Variants in ZNF804A observed in about 807,000 individuals in gnomAD.
ZNF804A encodes the protein zinc finger protein 804A.
A neutral mutation model predicts 16.5 loss-of-function variants in ZNF804A; 2 were observed. That is an observed-to-expected ratio of 0.12 (90% CI 0.05 to 0.38). ZNF804A has a LOEUF of 0.38. ZNF804A is among the 10% of genes least tolerant of loss of function. The pLI, the probability that ZNF804A is intolerant of heterozygous loss-of-function variation, is 0.99. For missense variants in ZNF804A, 1,473 were observed against 1,390.7 expected, an observed-to-expected ratio of 1.06 and a Z score of -0.94; for synonymous variants, 534 against 489.6, an observed-to-expected ratio of 1.09 and a Z score of -1.20.
At chr2:184,901,628 A>G (rs1322594298) in intron 2 of ZNF804A, among the ~76,000 whole-genome samples, 3 of 152,096 alleles carry the variant, frequency 2.0e-5, no homozygotes, top group Admixed American at 6.6e-5. Context: ...AAGTGCATCA[A>G]TAGTTTGTCA....
At chr2:184,935,702 C>A in intron 3 of ZNF804A, 81 bp from the exon 4 acceptor site, 1 of 1,437,782 alleles carries the variant, frequency 7.0e-7, no homozygotes, top group Non-Finnish European at 9.2e-7. Context: ...ATTATAATGA[C>A]TTTTTAAAGA....
At chr2:184,809,188 A>C (rs192177286) in intron 1 of ZNF804A, among the ~76,000 whole-genome samples, 16 of 152,060 alleles carry the variant, frequency 1.1e-4, no homozygotes, top group Non-Finnish European at 1.3e-4. Context: ...AATATAGGGT[A>C]TTAATTTGGT....
At chr2:184,826,153 G>A (rs561930133) in intron 1 of ZNF804A, among the ~76,000 whole-genome samples, 7 of 151,900 alleles carry the variant, frequency 4.6e-5, no homozygotes, top group Non-Finnish European at 8.8e-5. Context: ...CAAAGGGCTG[G>A]GATTACAAGC....
intron 1 of ZNF804A, among the ~76,000 whole-genome samples, chr2:184,747,845 A>G (rs994329428): frequency 2.0e-5 from 3 of 150,978 alleles, no homozygotes; most frequent in Non-Finnish European, 3.0e-5. Flanking sequence ...TGTTTTTCCT[A>G]TGCTCTCTTC....
At chr2:184,894,759 C>T (rs1197628963) in intron 2 of ZNF804A, among the ~76,000 whole-genome samples, 2 of 152,068 alleles carry the variant, frequency 1.3e-5, no homozygotes, top group Non-Finnish European at 1.5e-5. Context: ...GATCTGGGCT[C>T]ACTGCAAGCT....
intron 1 of ZNF804A, among the ~76,000 whole-genome samples, chr2:184,770,581 A>G (rs1205964214): frequency 1.5e-5 from 2 of 132,448 alleles, no homozygotes; most frequent in African/African-American, 8.7e-5. Context: ...AGCTGGGTAT[A>G]TAGGTGTATA....
intron 1 of ZNF804A, among the ~76,000 whole-genome samples, chr2:184,849,058 A>G (rs1695564002): frequency 1.3e-5 from 2 of 152,048 alleles, no homozygotes; most frequent in Admixed American, 6.6e-5. Flanking sequence ...CACTATTACA[A>G]CTAACTGGTG....
chr2:184,766,629 C>CAA (rs1232594654), intron 1 of ZNF804A, among the ~76,000 whole-genome samples: 11 of 97,832 alleles, frequency 1.1e-4, no homozygotes, highest in East Asian at 3.0e-4. Context: ...GGTGGTTGCT[C>CAA]AAAAAAAAAA....
At chr2:184,652,681 A>C (rs985164906) in intron 1 of ZNF804A, among the ~76,000 whole-genome samples, 3 of 152,086 alleles carry the variant, frequency 2.0e-5, no homozygotes, top group Non-Finnish European at 4.4e-5. Context: ...CATTCAATGT[A>C]AATCTACCTT....
intron 1 of ZNF804A, among the ~76,000 whole-genome samples, chr2:184,782,611 A>G (rs1694386657): frequency 4.0e-5 from 6 of 150,656 alleles, no homozygotes; most frequent in African/African-American, 9.7e-5. Flanking sequence ...CAGATGGCCT[A>G]TTGTGGGACC....
At chr2:184,628,632 A>G (rs1335628591) in intron 1 of ZNF804A, among the ~76,000 whole-genome samples, 1 of 152,108 alleles carries the variant, frequency 6.6e-6, no homozygotes, top group Non-Finnish European at 1.5e-5. Context: ...AACTCACAAT[A>G]TGTTCTTTGG....
intron 2 of ZNF804A, among the ~76,000 whole-genome samples, chr2:184,920,590 C>T (rs2105836541): frequency 6.6e-6 from 1 of 152,200 alleles, no homozygotes; most frequent in South Asian, 2.1e-4. Context: ...ACTGACAAAA[C>T]ACGAAAAATT....
At chr2:184,700,081 C>A (rs1321855237) in intron 1 of ZNF804A, among the ~76,000 whole-genome samples, 2 of 152,156 alleles carry the variant, frequency 1.3e-5, no homozygotes, top group East Asian at 1.9e-4. Flanking sequence ...CTACATAGTT[C>A]TTAGAGAATA....
chr2:184,925,289 C>G (rs1685592812), intron 2 of ZNF804A, among the ~76,000 whole-genome samples: 1 of 151,568 alleles, frequency 6.6e-6, no homozygotes, highest in South Asian at 2.1e-4. Context: ...ATATAGTGAC[C>G]TTCTTTGTCT....
chr2:184,815,974 C>T (rs1694976530), intron 1 of ZNF804A, among the ~76,000 whole-genome samples: 1 of 151,980 alleles, frequency 6.6e-6, no homozygotes, highest in Non-Finnish European at 1.5e-5. Flanking sequence ...CCTTAAATCT[C>T]TAAAATGTCA....
chr2:184,919,338 T>C (rs1160025478), intron 2 of ZNF804A, among the ~76,000 whole-genome samples: 3 of 152,166 alleles, frequency 2.0e-5, no homozygotes, highest in Admixed American at 6.5e-5. Context: ...GTGGTCTCTG[T>C]CGCTGCTGGC....
intron 1 of ZNF804A, among the ~76,000 whole-genome samples, chr2:184,628,221 A>T (rs1344877378): frequency 6.6e-6 from 1 of 152,148 alleles, no homozygotes; most frequent in Non-Finnish European, 1.5e-5. Context: ...GTCTTGAGGC[A>T]GGATAATCGC....
At chr2:184,737,986 C>A (rs1693656432) in intron 1 of ZNF804A, among the ~76,000 whole-genome samples, 1 of 151,744 alleles carries the variant, frequency 6.6e-6, no homozygotes, top group African/African-American at 2.4e-5. Flanking sequence ...GTTAGCCAGG[C>A]ATGGTGGTGC....
At chr2:184,707,248 A>G (rs907900015) in intron 1 of ZNF804A, among the ~76,000 whole-genome samples, 2 of 151,926 alleles carry the variant, frequency 1.3e-5, no homozygotes, top group Non-Finnish European at 2.9e-5. Context: ...TTTTGGAGGG[A>G]GTGTGTGGGG....
Sources: allele counts gnomAD v4.1 joint callset (sites outside exome capture counted in the v4.1 genomes callset), GRCh38; gene constraint gnomAD v4.1.1; transcripts MANE v1.5; gene names NCBI Gene and HGNC (gene_info 2026-07-23, HGNC 2026-07-21).